Variants in ITGBL1 observed in about 807,000 individuals in gnomAD.
The protein encoded by ITGBL1 is integrin beta-like protein 1.
Under a neutral mutation model 68.5 loss-of-function variants are expected in ITGBL1, and 51 were observed. The observed-to-expected ratio is 0.74, with a 90% confidence interval of 0.59 to 0.94. ITGBL1 has a LOEUF of 0.94. Ranked by LOEUF, ITGBL1 falls within the 40% of genes least tolerant of loss-of-function variation. ITGBL1 has a pLI of 0.00. For missense variants in ITGBL1, 649 were observed against 647.4 expected (o/e 1.00, Z -0.03); for synonymous variants, 209 against 227.3 (o/e 0.92, Z 0.72).
chr13:101,639,827 T>C (rs2032303581), intron 7 of ITGBL1, among the ~76,000 whole-genome samples: 1 of 152,190 alleles, frequency 6.6e-6, no homozygotes, highest in Non-Finnish European at 1.5e-5. Flanking sequence ...ATTATCAGAA[T>C]AGCACTATAT....
intron 7 of ITGBL1, among the ~76,000 whole-genome samples, chr13:101,668,335 C>T (rs1308793718): frequency 2.0e-5 from 3 of 152,134 alleles, no homozygotes; most frequent in Admixed American, 6.5e-5. Flanking sequence ...TTGCAGTGAG[C>T]TGAGATCATG....
At chr13:101,541,492 A>G (rs2049700719) in intron 2 of ITGBL1, among the ~76,000 whole-genome samples, 2 of 152,134 alleles carry the variant, frequency 1.3e-5, no homozygotes, top group African/African-American at 4.8e-5. Context: ...AATGTTCATC[A>G]GGGATATTAG....
chr13:101,563,086 TAAA>T (rs1356211206), intron 2 of ITGBL1, among the ~76,000 whole-genome samples: 2 of 151,132 alleles, frequency 1.3e-5, no homozygotes, highest in Non-Finnish European at 3.0e-5. Context: ...AATTTATAAA[TAAA>T]AATATTTAAC....
At chr13:101,494,587 A>C (rs2048828513) in intron 2 of ITGBL1, among the ~76,000 whole-genome samples, 1 of 152,250 alleles carries the variant, frequency 6.6e-6, no homozygotes, top group African/African-American at 2.4e-5. Flanking sequence ...AATCCAGAAG[A>C]AGGAAAATGC....
Position 101,644,860 on chromosome 13 carries a change from T to C in ITGBL1, c.1015+46561T>C, listed in dbSNP as rs542644006. ...TTAGAATGTATAAGGCATGGATTTC[T>C]AATTCATGTAATACCTTAAGAACTA... On this transcript the variant is annotated intron_variant, in intron 7 of 10. Coordinates refer to ENST00000376180, the MANE Select transcript of ITGBL1 (RefSeq NM_004791.3). Among the ~76,000 whole-genome samples the C allele has an allele frequency of 1.4e-4, 21 of 152,350 alleles. 1 individual carries two copies. The East Asian group carries it at 4.0e-3, about 29-fold the overall frequency.
At chr13:101,563,093 A>G (rs945829465) in intron 2 of ITGBL1, among the ~76,000 whole-genome samples, 2 of 151,332 alleles carry the variant, frequency 1.3e-5, no homozygotes, top group Non-Finnish European at 3.0e-5. Context: ...AAATAAAAAT[A>G]TTTAACTGAA....
At chr13:101,614,659 C>T (rs762538203) in intron 7 of ITGBL1, among the ~76,000 whole-genome samples, 1 of 152,050 alleles carries the variant, frequency 6.6e-6, no homozygotes, top group Non-Finnish European at 1.5e-5. Flanking sequence ...TTTGGGCTTT[C>T]GCAGCTACGG....
At chr13:101,637,611 G>C (rs756974488) in intron 7 of ITGBL1, among the ~76,000 whole-genome samples, 4 of 152,114 alleles carry the variant, frequency 2.6e-5, no homozygotes, top group Admixed American at 6.6e-5. Context: ...CCAAAGTGCT[G>C]GGATTACAGG....
At chr13:101,654,442 A>G (rs993864677) in intron 7 of ITGBL1, among the ~76,000 whole-genome samples, 15 of 152,178 alleles carry the variant, frequency 9.9e-5, no homozygotes, top group Non-Finnish European at 2.2e-4. Flanking sequence ...TTAGACTGGG[A>G]GCGGTGGAAA....
At chr13:101,654,306 C>T (rs2032852380) in intron 7 of ITGBL1, among the ~76,000 whole-genome samples, 1 of 152,130 alleles carries the variant, frequency 6.6e-6, no homozygotes, top group East Asian at 1.9e-4. Flanking sequence ...GGGAAGGTGA[C>T]ATACTTTTCT....
At chr13:101,651,062 G>A (rs2032735039) in intron 7 of ITGBL1, among the ~76,000 whole-genome samples, 2 of 152,120 alleles carry the variant, frequency 1.3e-5, no homozygotes, top group African/African-American at 4.8e-5. Context: ...GGGCATTTGG[G>A]TTGATTGCAC....
intron 7 of ITGBL1, among the ~76,000 whole-genome samples, chr13:101,631,293 T>C (rs1202442684): frequency 6.6e-6 from 1 of 152,208 alleles, no homozygotes; most frequent in Non-Finnish European, 1.5e-5. Flanking sequence ...AATATTCATC[T>C]TCACCTTAAG....
In ITGBL1 at chr13:101,453,953, C is replaced by A; in HGVS notation, c.169C>A (p.Pro57Thr). 3 of 1,488,216 alleles carry A rather than the reference C, an allele frequency of 2.0e-6. No homozygotes were observed. The highest frequency in any genetic ancestry group is 2.2e-5 in the Admixed American group (1 of 45,714). The allele number at this position is 1,488,216 out of a possible 1,614,324, so 92.2% of individuals were successfully genotyped here. Reference protein sequence around the residue: ...SERRCRAPGQPPGAALCHGRG... With the variant: ...SERRCRAPGQTPGAALCHGRG... ...GCGACGCTGCCGCGCACCTGGGCAG[C>A]CCCCGGGGGCCGCGCTGTGCCACGG... The change falls in exon 2 of 11, where the codon CCC becomes ACC. Residue 57 changes from proline (P) to threonine (T), a missense_variant. Pro to Thr is a conservative substitution (Grantham distance 38). Coordinates refer to ENST00000376180, the MANE Select transcript of ITGBL1 (RefSeq NM_004791.3).
chr13:101,544,024 T>A (rs2049767110), intron 2 of ITGBL1, among the ~76,000 whole-genome samples: 1 of 152,220 alleles, frequency 6.6e-6, no homozygotes, highest in African/African-American at 2.4e-5. Context: ...CGGAGTAGTT[T>A]GATTGTCTGA....
At chr13:101,703,427 T>C (rs983809016) in intron 8 of ITGBL1, among the ~76,000 whole-genome samples, 8 of 152,148 alleles carry the variant, frequency 5.3e-5, no homozygotes, top group African/African-American at 1.7e-4. Flanking sequence ...AGGAATACAA[T>C]TGGAAATGTA....
rs748656822 is a variant in ITGBL1, at chr13:101,692,729, T to C, written c.1132+28T>C. ...AGTAACCTTTCTCATAGCTGTATGC[T>C]ACCTGCATGCAACTTGCTTTACCTG... On this transcript the variant is annotated intron_variant, in intron 8 of 10. Transcript: ENST00000376180. 1.7e-5 allele frequency: 23 copies of C among 1,384,498 alleles called. No homozygotes were observed. In the Admixed American group the frequency reaches 3.7e-4, roughly 22 times the overall value. 85.8% of individuals were successfully genotyped at this position (1,384,498 alleles called of 1,614,324 possible). A position where few individuals can be genotyped will look rare whatever the true frequency, so the allele number is the denominator to read the frequency against.
rs200515455 is a variant in ITGBL1, at chr13:101,680,636, TATG to T, written c.1016-11946_1016-11944del. Among the ~76,000 whole-genome samples the T allele has an allele frequency of 6.1e-3, 925 of 152,200 alleles. 8 individuals are homozygous for T. Among genetic ancestry groups the T allele is most frequent in the African/African-American group, 0.02 (846 of 41,508 alleles). The stretch of plus-strand genomic sequence containing the variant: ...CCCAGCTGTGTTTTACTTATTAAAA[TATG>T]ATAATAATATCTAATATTTGTTGAA... On this transcript the variant is annotated intron_variant, in intron 7 of 10. Coordinates refer to ENST00000376180, the MANE Select transcript of ITGBL1 (RefSeq NM_004791.3).
rs187918660 is a variant in ITGBL1 at position 101,556,550 on chromosome 13, T to G, written c.317-11149T>G. Reference sequence around the variant, plus strand: ...CTCGGGAGGCTGAGGCAGAATTGCTTGAACTCCAGAGGCGGAGGTTGTGGT... The same window carrying G: ...CTCGGGAGGCTGAGGCAGAATTGCTGGAACTCCAGAGGCGGAGGTTGTGGT... On this transcript the variant is annotated intron_variant, in intron 2 of 10. Transcript: ENST00000376180. 2.0e-5 allele frequency among the ~76,000 whole-genome samples: 3 copies of G among 152,122 alleles called. No individual in the cohort carries two copies. The South Asian group carries it at 6.2e-4, about 32-fold the overall frequency.
chr13:101,689,983 A>C (rs2033847841), intron 7 of ITGBL1, among the ~76,000 whole-genome samples: 1 of 152,152 alleles, frequency 6.6e-6, no homozygotes, highest in Admixed American at 6.6e-5. Context: ...CTAATACGTT[A>C]TTTTTGATTT....
Sources: gnomAD v4.1 joint callset for allele counts (sites outside exome capture counted in the v4.1 genomes callset) on GRCh38, gnomAD v4.1.1 for gene constraint, MANE v1.5 for transcripts, NCBI Gene and HGNC (gene_info 2026-07-23, HGNC 2026-07-21) for gene names.